ABCD3: variants seen among roughly 807,000 people sequenced by gnomAD.
The protein encoded by ABCD3 is ATP-binding cassette sub-family D member 3.
Under a neutral mutation model 105.5 loss-of-function variants are expected in ABCD3, and 41 were observed. The ratio of observed to expected loss-of-function variants is 0.39; its 90% confidence interval spans 0.30 to 0.50. The LOEUF (loss-of-function observed/expected upper bound fraction) is 0.50. Among genes scored for constraint, ABCD3 ranks in the 20% least tolerant of loss-of-function variants. The pLI is 0.84. For missense variants in ABCD3, 622 were observed against 806.3 expected, an observed-to-expected ratio of 0.77 and a Z score of 2.77; for synonymous variants, 258 against 269.0, an observed-to-expected ratio of 0.96 and a Z score of 0.40.
rs765064074 is a variant in ABCD3, at chr1:94,498,572, T to G, written c.1387-30T>G. On this transcript the variant is annotated intron_variant, in intron 16 of 22. Transcript: ENST00000370214. Reference sequence around the variant, plus strand: ...GTATATGTTAATTTGATTTAATTACTTCACAGACTGATTTTTTTTTTTTTT... The same window carrying G: ...GTATATGTTAATTTGATTTAATTACGTCACAGACTGATTTTTTTTTTTTTT... 4.4e-6 allele frequency: 7 copies of G among 1,603,052 alleles called. No homozygotes were observed. The East Asian group carries it at 1.3e-4, about 31-fold the overall frequency.
intron 7 of ABCD3, among the ~76,000 whole-genome samples, chr1:94,477,495 G>A (rs551721639): frequency 8.6e-5 from 13 of 152,042 alleles, no homozygotes; most frequent in Non-Finnish European, 1.3e-4. Flanking sequence ...GCATGGTAAT[G>A]TGCGCCTGTA....
At chr1:94,509,426 A>G (rs1650542876) in intron 21 of ABCD3, among the ~76,000 whole-genome samples, 2 of 152,170 alleles carry the variant, frequency 1.3e-5, no homozygotes, top group South Asian at 4.1e-4. Context: ...AATGTTCATC[A>G]AGGATATTGG....
In ABCD3 at chr1:94,483,191, T is replaced by C. The variant is rs149970135; in HGVS notation, c.849T>C (p.Asn283=). The C allele has an allele frequency of 2.6e-4, 418 of 1,611,348 alleles. 2 individuals are homozygous for C. The African/African-American group carries it at 4.8e-3, about 18-fold the overall frequency. ...ATAGTGAAGAAATTGCCTTTTACAATGGGAATAAAAGAGAAAAGCAGACAG... is the reference window on the plus strand; with the variant it reads ...ATAGTGAAGAAATTGCCTTTTACAACGGGAATAAAAGAGAAAAGCAGACAG... ...ITNSEEIAFY[N]GNKREKQTVH... Residue 283 remains asparagine (N), a synonymous_variant, in exon 10 of 23, where the codon AAT becomes AAC. Transcript: ENST00000370214.
At chr1:94,509,905 A>G (rs1026927738) in intron 21 of ABCD3, among the ~76,000 whole-genome samples, 16 of 151,912 alleles carry the variant, frequency 1.1e-4, no homozygotes, top group Admixed American at 2.0e-4. Flanking sequence ...TCTTGCTAGC[A>G]GTCTATCAAT....
chr1:94,507,874 G>A (rs1650447303), intron 21 of ABCD3, among the ~76,000 whole-genome samples: 2 of 146,400 alleles, frequency 1.4e-5, no homozygotes, highest in Non-Finnish European at 3.0e-5. Context: ...TGAGTTCATT[G>A]TAGATTCTGG....
rs114115289 is a variant in ABCD3, at chr1:94,492,456, A to G, written c.1386+1209A>G. Among the ~76,000 whole-genome samples, 1,232 of 152,320 alleles carry G rather than the reference A, an allele frequency of 8.1e-3. 14 individuals are homozygous for G. Among genetic ancestry groups the G allele is most frequent in the African/African-American group, 0.028 (1,180 of 41,576 alleles). ...ATGCAAAGTACTTTGAACTTATTCA[A>G]CAATGAGTATTCTATCGTTATCATA... On this transcript the variant is annotated intron_variant, in intron 16 of 22. Transcript: ENST00000370214.
At chr1:94,386,855 A>C in the ABCD3 span, among the ~76,000 whole-genome samples, 1 of 152,090 alleles carries the variant, frequency 6.6e-6, no homozygotes, top group Middle Eastern at 3.2e-3. Flanking sequence ...ACTCCATCTC[A>C]AAAGAAAAAA....
At chr1:94,410,144 G>C in the ABCD3 span, among the ~76,000 whole-genome samples, 1 of 152,164 alleles carries the variant, frequency 6.6e-6, no homozygotes, top group Non-Finnish European at 1.5e-5. Flanking sequence ...CAGGGGACAA[G>C]AGAACCAAAA....
chr1:94,492,758 A>G (rs886295438), intron 16 of ABCD3, among the ~76,000 whole-genome samples: 3 of 152,174 alleles, frequency 2.0e-5, no homozygotes, highest in Admixed American at 2.0e-4. Flanking sequence ...GCAGAAATAA[A>G]ATATACCAAT....
chr1:94,402,044 A>C, the ABCD3 span, among the ~76,000 whole-genome samples: 1 of 152,186 alleles, frequency 6.6e-6, no homozygotes, highest in Non-Finnish European at 1.5e-5. Flanking sequence ...TATTCATTGA[A>C]TCAAGTAGTG....
chr1:94,517,755 C>T lies in ABCD3; in HGVS notation c.*626C>T, dbSNP rs1463284986. ...TTTCCTTAACTAAATGATAAATGTA[C>T]CCCTCTCAGTCTGCAGTATTGAGTT... On this transcript the variant is annotated 3_prime_UTR_variant, in exon 23 of 23. Coordinates refer to ENST00000370214, the MANE Select transcript of ABCD3 (RefSeq NM_002858.4). 1 of 155,584 alleles carries T rather than the reference C, an allele frequency of 6.4e-6. No homozygotes were observed. The highest frequency in any genetic ancestry group is 1.4e-5 in the Non-Finnish European group (1 of 70,122). 9.6% of individuals were successfully genotyped at this position (155,584 alleles called of 1,614,324 possible).
In ABCD3 at chr1:94,438,848, A is replaced by G. The variant is rs79688813; in HGVS notation, c.111-19759A>G. On this transcript the variant is annotated intron_variant, in intron 1 of 22. Transcript: ENST00000370214. ...ACAGTATAGTGTAAACATAACTTCT[A>G]TGTGCACTGGGAAACCAAAATGTTC... Among the ~76,000 whole-genome samples, 18 of 152,284 alleles carry G rather than the reference A, an allele frequency of 1.2e-4. No individual in the cohort carries two copies. The South Asian group carries it at 1.9e-3, about 16-fold the overall frequency.
In ABCD3 at chr1:94,475,255, AT is replaced by A; in HGVS notation, c.503+20del. The A allele has an allele frequency of 7.1e-7, 1 of 1,414,268 alleles. No individual in the cohort carries two copies. The highest frequency in any genetic ancestry group is 1.3e-5 in the South Asian group (1 of 77,308). The allele number at this position is 1,414,268 out of a possible 1,614,324, so 87.6% of individuals were successfully genotyped here. ...GAGTATCTTCAGTAAGTGATAACCTATTTTTATATTAAAAATATTTAAATAG... is the reference window on the plus strand; with the variant it reads ...GAGTATCTTCAGTAAGTGATAACCTATTTTATATTAAAAATATTTAAATAG... On this transcript the variant is annotated intron_variant, in intron 6 of 22. Coordinates refer to ENST00000370214, the MANE Select transcript of ABCD3 (RefSeq NM_002858.4).
the ABCD3 span, among the ~76,000 whole-genome samples, chr1:94,411,603 TAAAAGTTTAAACTA>T: frequency 6.6e-6 from 1 of 152,198 alleles, no homozygotes; most frequent in Non-Finnish European, 1.5e-5. Flanking sequence ...ATAAAATTTT[TAAAAGTTTAAACTA>T]AAAAGTTAAA....
At chr1:94,463,782 A>T (rs1262565260) in intron 2 of ABCD3, among the ~76,000 whole-genome samples, 1 of 152,102 alleles carries the variant, frequency 6.6e-6, no homozygotes, top group Non-Finnish European at 1.5e-5. Flanking sequence ...CTTCTTTTAA[A>T]TCCCTCTACA....
At chr1:94,432,859 T>C (rs990726067) in intron 1 of ABCD3, among the ~76,000 whole-genome samples, 1 of 9,094 alleles carries the variant, frequency 1.1e-4, no homozygotes, top group Non-Finnish European at 9.5e-4. Flanking sequence ...CAAATTTTTT[T>C]TCTTTTTTTT....
At chr1:94,470,139 G>C (rs1648379225) in intron 4 of ABCD3, among the ~76,000 whole-genome samples, 1 of 152,100 alleles carries the variant, frequency 6.6e-6, no homozygotes, top group Non-Finnish European at 1.5e-5. Context: ...TAAGGATGAA[G>C]GGAGATAAAT....
chr1:94,509,720 T>A (rs545568926), intron 21 of ABCD3, among the ~76,000 whole-genome samples: 14 of 152,030 alleles, frequency 9.2e-5, no homozygotes, highest in Admixed American at 2.6e-4. Flanking sequence ...GTCTTGGGAG[T>A]GTGTATGTGT....
At chr1:94,429,271 G>A (rs867259537) in intron 1 of ABCD3, among the ~76,000 whole-genome samples, 57 of 152,148 alleles carry the variant, frequency 3.7e-4, no homozygotes, top group African/African-American at 1.2e-3. Context: ...GGGAAGCAGA[G>A]CATATAAGTT....
Sources: allele counts gnomAD v4.1 joint callset (sites outside exome capture counted in the v4.1 genomes callset), GRCh38; gene constraint gnomAD v4.1.1; transcripts MANE v1.5; gene names NCBI Gene and HGNC (gene_info 2026-07-23, HGNC 2026-07-21).